The following FOXO3 variants were observed in gnomAD, a reference collection of about 807,000 sequenced individuals.
FOXO3 encodes forkhead box protein O3.
A neutral mutation model predicts 41.9 loss-of-function variants in FOXO3; 4 were observed. That is an observed-to-expected ratio of 0.10 (90% CI 0.05 to 0.22). FOXO3 has a LOEUF of 0.22. Ranked by LOEUF, FOXO3 falls within the 10% of genes least tolerant of loss-of-function variation. The probability of loss-of-function intolerance (pLI) is 1.00; values close to 1 mark genes in which losing one functional copy is unlikely to be tolerated. For missense variants in FOXO3, 534 were observed against 906.8 expected (o/e 0.59, Z 5.28); for synonymous variants, 318 against 389.3 (o/e 0.82, Z 2.16).
At chr6:108,621,505 G>A (rs1237008824) in intron 1 of FOXO3, among the ~76,000 whole-genome samples, 1 of 152,110 alleles carries the variant, frequency 6.6e-6, no homozygotes, top group Non-Finnish European at 1.5e-5. Context: ...CTACTGTAGT[G>A]AAAAATTGTT....
chr6:108,605,994 T>C (rs772043377), intron 1 of FOXO3, among the ~76,000 whole-genome samples: 1 of 152,248 alleles, frequency 6.6e-6, no homozygotes, highest in Non-Finnish European at 1.5e-5. Context: ...CAAATTGTCA[T>C]TGGTAAAATG....
intron 1 of FOXO3, among the ~76,000 whole-genome samples, chr6:108,641,486 T>C (rs1001809302): frequency 2.0e-5 from 3 of 152,154 alleles, no homozygotes; most frequent in African/African-American, 4.8e-5. Context: ...CTCTAAAGCC[T>C]CTTACCATTG....
At chr6:108,571,397 G>A (rs897800576) in intron 1 of FOXO3, among the ~76,000 whole-genome samples, 1 of 152,160 alleles carries the variant, frequency 6.6e-6, no homozygotes, top group African/African-American at 2.4e-5. Context: ...GTTAAATAGA[G>A]TTCCTCTAAA....
At chr6:108,611,554 C>T (rs1777364513) in intron 1 of FOXO3, among the ~76,000 whole-genome samples, 1 of 152,158 alleles carries the variant, frequency 6.6e-6, no homozygotes, top group Non-Finnish European at 1.5e-5. Context: ...TTACTTTTCT[C>T]CATTGTATAA....
At chr6:108,629,206 G>T (rs1305494735) in intron 1 of FOXO3, among the ~76,000 whole-genome samples, 2 of 152,178 alleles carry the variant, frequency 1.3e-5, no homozygotes, top group African/African-American at 4.8e-5. Flanking sequence ...CAGTCAGAGG[G>T]TGGTGGACCA....
At chr6:108,584,596 T>A (rs902970503) in intron 1 of FOXO3, among the ~76,000 whole-genome samples, 2 of 152,026 alleles carry the variant, frequency 1.3e-5, no homozygotes, top group African/African-American at 4.8e-5. Flanking sequence ...ACATGCAGAG[T>A]GTTGGGTGAA....
At chr6:108,584,161 T>C (rs1327189296) in intron 1 of FOXO3, among the ~76,000 whole-genome samples, 1 of 152,212 alleles carries the variant, frequency 6.6e-6, no homozygotes, top group Non-Finnish European at 1.5e-5. Context: ...TGGGCATTGC[T>C]TCTGGTGAGT....
At chr6:108,669,274 G>A (rs1359846551) in intron 2 of FOXO3, among the ~76,000 whole-genome samples, 3 of 152,178 alleles carry the variant, frequency 2.0e-5, no homozygotes, top group African/African-American at 4.8e-5. Flanking sequence ...TGGAATTTAC[G>A]TGTAGGCTAC....
chr6:108,634,394 T>C (rs2128377067), intron 1 of FOXO3, among the ~76,000 whole-genome samples: 1 of 152,062 alleles, frequency 6.6e-6, no homozygotes, highest in African/African-American at 2.4e-5. Flanking sequence ...ATGGAAAGGG[T>C]CAGGGATGAT....
chr6:108,664,279 C>T lies in FOXO3; in HGVS notation c.1446C>T (p.Ser482=), dbSNP rs776047372. The T allele has an allele frequency of 8.1e-6, 13 of 1,600,616 alleles. No individual in the cohort carries two copies. In the East Asian group the frequency reaches 1.1e-4, roughly 14 times the overall value. Residue 482 remains serine (S), a synonymous_variant, in exon 2 of 3, where the codon AGC becomes AGT. Transcript: ENST00000406360. ...DLLTSDSLSH[S]DVMMTQSDPL... ...TCACTTCGGACTCACTTAGCCACAG[C>T]GATGTCATGATGACACAGTCGGACC...
intron 1 of FOXO3, among the ~76,000 whole-genome samples, chr6:108,603,812 C>CT (rs1175676197): frequency 2.0e-5 from 3 of 152,088 alleles, no homozygotes; most frequent in African/African-American, 7.2e-5. Context: ...CCCTGAGAAT[C>CT]TATCTGACAG....
At chr6:108,577,081 A>G in intron 1 of FOXO3, among the ~76,000 whole-genome samples, 1 of 152,170 alleles carries the variant, frequency 6.6e-6, no homozygotes, top group East Asian at 1.9e-4. Flanking sequence ...GTTTAAAAAA[A>G]CAGTTAATTT....
chr6:108,643,608 C>T (rs964664257), intron 1 of FOXO3, among the ~76,000 whole-genome samples: 2 of 152,152 alleles, frequency 1.3e-5, no homozygotes, highest in African/African-American at 4.8e-5. Context: ...TCAGTGGCAA[C>T]CCAACAATTT....
chr6:108,644,333 A>C (rs753629151), intron 1 of FOXO3, among the ~76,000 whole-genome samples: 14 of 152,204 alleles, frequency 9.2e-5, no homozygotes, highest in Admixed American at 2.6e-4. Flanking sequence ...CCTCATATGC[A>C]CTTAATAAAT....
intron 1 of FOXO3, among the ~76,000 whole-genome samples, chr6:108,572,370 C>T (rs536054469): frequency 4.8e-4 from 73 of 152,344 alleles, no homozygotes; most frequent in African/African-American, 1.7e-3. Flanking sequence ...TCTCTGGAGT[C>T]CCCTCAGTGT....
intron 1 of FOXO3, among the ~76,000 whole-genome samples, chr6:108,563,969 T>A (rs968883982): frequency 6.6e-6 from 1 of 151,816 alleles, no homozygotes; most frequent in African/African-American, 2.4e-5. Flanking sequence ...TTTTTTTTTT[T>A]ACCCTTCTCT....
At chr6:108,652,121 C>T (rs1778562169) in intron 1 of FOXO3, among the ~76,000 whole-genome samples, 1 of 152,210 alleles carries the variant, frequency 6.6e-6, no homozygotes, top group Non-Finnish European at 1.5e-5. Context: ...GTGATATTGG[C>T]TTGACGTAGT....
intron 1 of FOXO3, among the ~76,000 whole-genome samples, chr6:108,610,103 C>A (rs1222436388): frequency 6.6e-6 from 1 of 152,116 alleles, no homozygotes; most frequent in Non-Finnish European, 1.5e-5. Context: ...TTCCCCTCCC[C>A]ATATACAGGC....
intron 1 of FOXO3, among the ~76,000 whole-genome samples, chr6:108,650,288 C>T (rs1480748737): frequency 6.6e-6 from 1 of 152,186 alleles, no homozygotes; most frequent in Non-Finnish European, 1.5e-5. Flanking sequence ...CCCTCCAACT[C>T]TCCACCGTAT....
Sources: gnomAD v4.1 joint callset for allele counts (sites outside exome capture counted in the v4.1 genomes callset) on GRCh38, gnomAD v4.1.1 for gene constraint, MANE v1.5 for transcripts, NCBI Gene and HGNC (gene_info 2026-07-23, HGNC 2026-07-21) for gene names.